Variants in ITPA observed in about 807,000 individuals in gnomAD.
ITPA encodes the protein inosine triphosphate pyrophosphatase.
Under a neutral mutation model 29.6 loss-of-function variants are expected in ITPA, and 29 were observed. The ratio of observed to expected loss-of-function variants is 0.98; its 90% CI spans 0.73 to 1.34. The LOEUF (loss-of-function observed/expected upper bound fraction) is 1.34. ITPA is among the 40% of genes most tolerant of loss of function. ITPA has a pLI of 0.00. For synonymous variants in ITPA, 103 were observed against 99.3 expected (o/e 1.04, Z -0.22); for missense variants, 241 against 251.5 (o/e 0.96, Z 0.28).
intron 4 of ITPA, among the ~76,000 whole-genome samples, chr20:3,214,665 T>C (rs1439143071): frequency 3.3e-5 from 5 of 152,132 alleles, no homozygotes; most frequent in Non-Finnish European, 7.4e-5. Flanking sequence ...CTGCAAGCTC[T>C]GCCTCCCGGG....
Position 3,209,720 on chromosome 20 carries a change from A to G in ITPA, c.66+103A>G, listed in dbSNP as rs2067128355. 4.3e-6 allele frequency: 4 copies of G among 936,690 alleles called. No homozygotes were observed. Among genetic ancestry groups the G allele is most frequent in the Non-Finnish European group, 6.7e-6 (4 of 597,156 alleles). The allele number at this position is 936,690 out of a possible 1,614,324, so 58.0% of individuals were successfully genotyped here. On this transcript the variant is annotated intron_variant, in intron 1 of 7. Coordinates refer to ENST00000380113, the MANE Select transcript of ITPA (RefSeq NM_033453.4). The surrounding 1 kb of genome is among the most constrained non-coding windows in gnomAD (Gnocchi z 4.6). ...CACGTGGGAGGAGGCATGGAGAGAG[A>G]ACAGAATTCAGCCCGGAAGAATGGG...
intron 4 of ITPA, 93 bp downstream of exon 4, chr20:3,214,151 C>T: frequency 2.8e-6 from 3 of 1,069,252 alleles, no homozygotes; most frequent in East Asian, 2.4e-5. Context: ...AGGTCATTCC[C>T]TGTCTTAGCA....
rs1036671809 is a variant in ITPA, at chr20:3,223,744, G to A, written c.*282G>A. ...CTTGGGTGGTAAAGCTGTACTTGGT[G>A]GGAGTGAGGGCGTGGGGAGGAACCA... On this transcript the variant is annotated 3_prime_UTR_variant, in exon 8 of 8. Coordinates refer to ENST00000380113, the MANE Select transcript of ITPA (RefSeq NM_033453.4). 1.9e-6 allele frequency: 1 copy of A among 525,374 alleles called. No individual in the cohort carries two copies. Among genetic ancestry groups the A allele is most frequent in the Non-Finnish European group, 3.4e-6 (1 of 290,090 alleles). 32.5% of individuals were successfully genotyped at this position (525,374 alleles called of 1,614,324 possible). A position where few individuals can be genotyped will look rare whatever the true frequency, so the allele number is the denominator to read the frequency against.
chr20:3,204,661 C>T (rs762310988), upstream of ITPA: 4 of 1,549,640 alleles, frequency 2.6e-6, no homozygotes, highest in Admixed American at 1.9e-5. Context: ...ACTGCGTCCA[C>T]CCTGAGGCCG....
chr20:3,208,292 A>G (rs1245140692), upstream of ITPA, among the ~76,000 whole-genome samples: 5 of 151,732 alleles, frequency 3.3e-5, no homozygotes, highest in East Asian at 9.7e-4. Flanking sequence ...CCCCATGGCC[A>G]CTCCTCTAGG....
chr20:3,221,408 T>C (rs1046705494), intron 6 of ITPA, among the ~76,000 whole-genome samples: 9 of 152,350 alleles, frequency 5.9e-5, no homozygotes, highest in African/African-American at 2.2e-4. Context: ...AAAGTCTTCC[T>C]TGTATTTTCA....
At chr20:3,227,077 AGTCACAGGGCCCTTTGCT>A (rs2067562469), downstream of ITPA, among the ~76,000 whole-genome samples, 1 of 152,196 alleles carries the variant, frequency 6.6e-6, no homozygotes, top group Non-Finnish European at 1.5e-5. Flanking sequence ...TTCATCTGAG[AGTCACAGGGCCCTTTGCT>A]GTCACCCTGA....
intron 6 of ITPA, among the ~76,000 whole-genome samples, chr20:3,219,581 C>T (rs2067407279): frequency 6.6e-6 from 1 of 151,396 alleles, no homozygotes; most frequent in Non-Finnish European, 1.5e-5. Flanking sequence ...CCCGTCTCAA[C>T]TAAAAATACA....
chr20:3,215,276 T>C lies in ITPA; in HGVS notation c.264-5T>C. The C allele has an allele frequency of 6.2e-7, 1 of 1,613,870 alleles. No homozygotes were observed. On this transcript the variant is annotated splice_region_variant and splice_polypyrimidine_tract_variant and intron_variant, in intron 4 of 7. Coordinates refer to ENST00000380113, the MANE Select transcript of ITPA (RefSeq NM_033453.4). ...GTGTCTGACTGTCCTTTCTTTCTCT[T>C]GCAGAAAGTGGTTTCTGGAGAAGTT...
In ITPA at chr20:3,223,499, C is replaced by T. The variant is rs200804979; in HGVS notation, c.*37C>T. The T allele has an allele frequency of 4.7e-4, 718 of 1,531,282 alleles. 1 individual carries two copies. The highest frequency in any genetic ancestry group is 6.0e-4 in the Non-Finnish European group (664 of 1,115,270). 94.9% of individuals were successfully genotyped at this position (1,531,282 alleles called of 1,614,324 possible). On this transcript the variant is annotated 3_prime_UTR_variant, in exon 8 of 8. Transcript: ENST00000380113. ...GGAGGAGGCCCCTCAGGCCGGGGATCTGGGGAGGGCTAGCCCAAAACCTCC... is the reference window on the plus strand; with the variant it reads ...GGAGGAGGCCCCTCAGGCCGGGGATTTGGGGAGGGCTAGCCCAAAACCTCC...
chr20:3,213,041 C>A, intron 1 of ITPA, 128 bp from the exon 2 acceptor site: 1 of 989,302 alleles, frequency 1.0e-6, no homozygotes, highest in Non-Finnish European at 1.6e-6. Flanking sequence ...GTGAGGCCCA[C>A]AGGCCTGAGT....
At chr20:3,217,981 G>A (rs1416263757) in intron 5 of ITPA, among the ~76,000 whole-genome samples, 1 of 150,294 alleles carries the variant, frequency 6.7e-6, no homozygotes, top group Non-Finnish European at 1.5e-5. Flanking sequence ...GCAGTGGCCC[G>A]ATCTCGGCTC....
At chr20:3,213,137 G>T (rs533858039) in intron 1 of ITPA, 32 bp from the exon 2 acceptor site, 1 of 1,590,040 alleles carries the variant, frequency 6.3e-7, no homozygotes, top group South Asian at 1.1e-5. Context: ...ATCACTAGAT[G>T]GTGATAAGTG....
intron 4 of ITPA, among the ~76,000 whole-genome samples, chr20:3,214,734 C>T (rs531316888): frequency 5.3e-5 from 8 of 152,034 alleles, no homozygotes; most frequent in Non-Finnish European, 1.2e-4. Flanking sequence ...CGCCCACCAC[C>T]ACACCTGGCT....
chr20:3,216,157 G>GTTTTTTTTT (rs71331043), intron 5 of ITPA, among the ~76,000 whole-genome samples: 1,946 of 109,152 alleles, frequency 0.018, 105 homozygotes, highest in African/African-American at 0.071. Context: ...CGCTGGCTAA[G>GTTTTTTTTT]TTTTTTTTTT....
downstream of ITPA, among the ~76,000 whole-genome samples, chr20:3,226,589 T>A (rs1410686946): frequency 6.6e-6 from 1 of 152,216 alleles, no homozygotes; most frequent in African/African-American, 2.4e-5. The surrounding 1 kb of genome is among the most constrained non-coding windows in gnomAD (Gnocchi z 4.4). Context: ...TGGGCCTCCT[T>A]CTTCCCCTGT....
intron 3 of ITPA, among the ~76,000 whole-genome samples, chr20:3,213,735 AGT>A (rs2067226331): frequency 6.6e-6 from 1 of 152,148 alleles, no homozygotes; most frequent in Non-Finnish European, 1.5e-5. Flanking sequence ...AGTCAGGCTG[AGT>A]GTGAATCCCA....
upstream of ITPA, chr20:3,204,438 C>T (rs1279968477): frequency 7.8e-7 from 1 of 1,274,794 alleles, no homozygotes; most frequent in African/African-American, 1.5e-5. Context: ...CCCGCCCGCC[C>T]AGGTGCGCAC....
Position 3,213,323 on chromosome 20 carries a change from G to A in ITPA, c.129G>A (p.Pro43=), listed in dbSNP as rs146112146. Reference sequence around the variant, plus strand: ...TGTGTCTGTTTCCCTGATAAGTGCCGGAGTACCAGGGGGAGCCGGATGAGA... The same window carrying A: ...TGTGTCTGTTTCCCTGATAAGTGCCAGAGTACCAGGGGGAGCCGGATGAGA... ...CTLVAQKIDL[P]EYQGEPDEIS... is the part of the protein sequence containing the mutation. Residue 43 remains proline (P), a synonymous_variant, in exon 3 of 8, where the codon CCG becomes CCA. Coordinates refer to ENST00000380113, the MANE Select transcript of ITPA (RefSeq NM_033453.4). 8.1e-6 allele frequency: 13 copies of A among 1,613,868 alleles called. No individual in the cohort carries two copies. The highest frequency in any genetic ancestry group is 1.7e-5 in the Admixed American group (1 of 59,982).
Sources: gnomAD v4.1 joint callset for allele counts (sites outside exome capture counted in the v4.1 genomes callset) on GRCh38, gnomAD v4.1.1 for gene constraint, Gnocchi (gnomAD v3.1) non-coding constraint, MANE v1.5 for transcripts, NCBI Gene and HGNC (gene_info 2026-07-23, HGNC 2026-07-21) for gene names.